POLN: variants seen among roughly 807,000 people sequenced by gnomAD.
POLN encodes the protein DNA polymerase N.
Under a neutral mutation model 113.5 loss-of-function variants are expected in POLN, and 108 were observed. The observed-to-expected ratio is 0.95, with a 90% CI of 0.81 to 1.12. The LOEUF (loss-of-function observed/expected upper bound fraction) is 1.12, where lower values mean the gene tolerates loss of function less well. POLN is among the 50% of genes most tolerant of loss of function. The pLI is 0.00. For synonymous variants in POLN, 386 were observed against 391.5 expected (o/e 0.99, Z 0.17); for missense variants, 1,097 against 1,077.1 (o/e 1.02, Z -0.26).
At position 2,156,600 on chromosome 4, in the gene POLN, T is replaced by C. The variant is rs573115690; in HGVS notation, c.1731+188A>G. Reference sequence around the variant, plus strand: ...CCCCTCTTGCTAACTCAGCACTTCATGAGAAGAGAACCCATCTGTCTTGTT... The same window carrying C: ...CCCCTCTTGCTAACTCAGCACTTCACGAGAAGAGAACCCATCTGTCTTGTT... On this transcript the variant is annotated intron_variant, in intron 16 of 25. Coordinates refer to ENST00000511885, the MANE Select transcript of POLN (RefSeq NM_181808.4). 1.8e-5 allele frequency: 12 copies of C among 659,062 alleles called. No individual in the cohort carries two copies. In the African/African-American group the frequency reaches 2.0e-4, roughly 11 times the overall value. The allele number at this position is 659,062 out of a possible 1,614,324, so 40.8% of individuals were successfully genotyped here.
intron 3 of POLN, among the ~76,000 whole-genome samples, chr4:2,218,859 A>G (rs1252413062): frequency 6.6e-6 from 1 of 152,202 alleles, no homozygotes; most frequent in Admixed American, 6.5e-5. Flanking sequence ...GTCAATTGTT[A>G]TTCTCCAGGA....
intron 7 of POLN, among the ~76,000 whole-genome samples, chr4:2,185,573 CCT>C (rs1223739994): frequency 8.5e-5 from 13 of 152,150 alleles, no homozygotes; most frequent in African/African-American, 2.4e-4. Flanking sequence ...TGGTGAAACC[CCT>C]CTCTACCAAA....
chr4:2,125,017 G>C (rs1577707702), intron 19 of POLN, among the ~76,000 whole-genome samples: 2 of 152,228 alleles, frequency 1.3e-5, no homozygotes, highest in Admixed American at 1.3e-4. Context: ...TTGAAGATAG[G>C]ATTTCTTTCT....
chr4:2,155,274 C>A (rs1030230736), intron 16 of POLN, among the ~76,000 whole-genome samples: 4 of 152,186 alleles, frequency 2.6e-5, no homozygotes, highest in African/African-American at 9.7e-5. Flanking sequence ...GATATTGGTG[C>A]TGGTATTGGT....
intron 7 of POLN, among the ~76,000 whole-genome samples, chr4:2,186,220 C>G (rs1436019156): frequency 6.6e-6 from 1 of 152,146 alleles, no homozygotes; most frequent in Non-Finnish European, 1.5e-5. Context: ...CATCTTGGGC[C>G]CCCTGGCAGG....
chr4:2,105,040 T>C (rs1731029200), intron 19 of POLN, among the ~76,000 whole-genome samples: 2 of 152,176 alleles, frequency 1.3e-5, no homozygotes, highest in Admixed American at 1.3e-4. Flanking sequence ...CCATCCCAAC[T>C]GAGCCCCAGT....
intron 2 of POLN, chr4:2,240,375 G>A (rs763134137): frequency 1.8e-5 from 29 of 1,606,352 alleles, no homozygotes; most frequent in Non-Finnish European, 2.5e-5. Flanking sequence ...AAATACCAGT[G>A]GATTTGTCCC....
chr4:2,187,756 C>A (rs922765629), intron 7 of POLN, among the ~76,000 whole-genome samples: 1 of 152,100 alleles, frequency 6.6e-6, no homozygotes, highest in Non-Finnish European at 1.5e-5. Flanking sequence ...AGCTCCAATT[C>A]ATCTGGCAAC....
At chr4:2,209,662 T>C (rs1025644702) in intron 4 of POLN, among the ~76,000 whole-genome samples, 1 of 142,868 alleles carries the variant, frequency 7.0e-6, no homozygotes, top group African/African-American at 2.6e-5. Flanking sequence ...TTTTCCTTTT[T>C]TTTTTTTTTT....
chr4:2,121,397 T>C (rs1415886544), intron 19 of POLN, among the ~76,000 whole-genome samples: 1 of 146,594 alleles, frequency 6.8e-6, no homozygotes, highest in Non-Finnish European at 1.5e-5. Flanking sequence ...ATTGCGCCAC[T>C]ACACTCCAGC....
intron 21 of POLN, among the ~76,000 whole-genome samples, chr4:2,082,491 G>A (rs1730445129): frequency 6.6e-6 from 1 of 152,206 alleles, no homozygotes; most frequent in Admixed American, 6.5e-5. Context: ...TGAAGTGTAT[G>A]CAATTTGGGG....
intron 3 of POLN, among the ~76,000 whole-genome samples, chr4:2,220,432 G>T (rs1734227519): frequency 1.3e-5 from 2 of 152,176 alleles, no homozygotes; most frequent in South Asian, 4.1e-4. Context: ...CAACTTCTCA[G>T]TGAGTTTAGT....
chr4:2,161,361 G>C (rs369938166), intron 13 of POLN, among the ~76,000 whole-genome samples: 1 of 152,230 alleles, frequency 6.6e-6, no homozygotes. Flanking sequence ...CCCTGCACTC[G>C]GAGCAGCCAG....
At chr4:2,145,531 CAAAT>C (rs1242920640) in intron 16 of POLN, among the ~76,000 whole-genome samples, 5 of 152,144 alleles carry the variant, frequency 3.3e-5, no homozygotes, top group Middle Eastern at 6.8e-3. Flanking sequence ...ATTCAAATGA[CAAAT>C]AAACATAAAA....
At chr4:2,149,013 G>A (rs1371301081) in intron 16 of POLN, among the ~76,000 whole-genome samples, 1 of 152,142 alleles carries the variant, frequency 6.6e-6, no homozygotes, top group Admixed American at 6.5e-5. Context: ...CTGTCACTGT[G>A]GTTACAGGCT....
chr4:2,106,086 A>C (rs1731060187), intron 19 of POLN, among the ~76,000 whole-genome samples: 1 of 152,052 alleles, frequency 6.6e-6, no homozygotes, highest in Admixed American at 6.5e-5. Context: ...CTATGGGCCT[A>C]CTACATTTAT....
At chr4:2,125,007 T>A (rs1047660914) in intron 19 of POLN, among the ~76,000 whole-genome samples, 1 of 152,296 alleles carries the variant, frequency 6.6e-6, no homozygotes, top group East Asian at 1.9e-4. Flanking sequence ...TTCAACCAGG[T>A]TGAAGATAGG....
At chr4:2,148,376 G>C (rs1043856661) in intron 16 of POLN, among the ~76,000 whole-genome samples, 21 of 152,086 alleles carry the variant, frequency 1.4e-4, no homozygotes, top group African/African-American at 5.1e-4. Flanking sequence ...CCCATAAAAA[G>C]TATGTGAATA....
At chr4:2,162,764 A>ATT (rs1011743896) in intron 13 of POLN, among the ~76,000 whole-genome samples, 7 of 147,574 alleles carry the variant, frequency 4.7e-5, no homozygotes, top group Non-Finnish European at 7.5e-5. Context: ...GCCCGATTTT[A>ATT]TTTTTTTTTT....
Sources: allele counts gnomAD v4.1 joint callset (sites outside exome capture counted in the v4.1 genomes callset), GRCh38; gene constraint gnomAD v4.1.1; transcripts MANE v1.5; gene names NCBI Gene and HGNC (gene_info 2026-07-23, HGNC 2026-07-21).